The following KLF12 variants were observed in gnomAD, a reference collection of about 807,000 sequenced individuals.
The protein encoded by KLF12 is KLF transcription factor 12, also known as Krueppel-like factor 12.
A neutral mutation model predicts 37.8 loss-of-function variants in KLF12; 9 were observed. That is an observed-to-expected ratio of 0.24 (90% confidence interval 0.14 to 0.42). The LOEUF (loss-of-function observed/expected upper bound fraction) is 0.42. Among genes scored for constraint, KLF12 ranks in the 10% least tolerant of loss-of-function variants. KLF12 has a pLI of 1.00. For synonymous variants in KLF12, 208 were observed against 202.1 expected (o/e 1.03, Z -0.25); for missense variants, 411 against 516.0 (o/e 0.80, Z 1.97).
chr13:73,821,192 C>T (rs373742759), intron 4 of KLF12, among the ~76,000 whole-genome samples: 23 of 151,964 alleles, frequency 1.5e-4, no homozygotes, highest in East Asian at 1.2e-3. Flanking sequence ...AGTTGCTGCC[C>T]TAGGTTTCGC....
intron 3 of KLF12, among the ~76,000 whole-genome samples, chr13:73,924,138 A>G (rs1177187534): frequency 1.3e-5 from 2 of 152,256 alleles, no homozygotes; most frequent in Non-Finnish European, 1.5e-5. Context: ...ACTCAGGTAG[A>G]GCATGGCCAA....
the KLF12 span, among the ~76,000 whole-genome samples, chr13:74,248,526 A>G: frequency 1.3e-5 from 2 of 152,220 alleles, no homozygotes; most frequent in African/African-American, 4.8e-5. Flanking sequence ...ATTTCAGCCA[A>G]TGCTTAATCG....
intron 1 of KLF12, among the ~76,000 whole-genome samples, chr13:74,022,927 TCTGCATCCCTAACCAAATGGCAGG>T (rs71777502): frequency 0.31 from 46,468 of 151,470 alleles, 7,423 homozygotes; most frequent in Admixed American, 0.36. Flanking sequence ...GACCTAACTC[TCTGCATCCCTAACCAAATGGCAGG>T]CTGCATCCCT....
chr13:73,794,153 G>A (rs1252710800), intron 5 of KLF12, among the ~76,000 whole-genome samples: 1 of 152,190 alleles, frequency 6.6e-6, no homozygotes, highest in Non-Finnish European at 1.5e-5. Flanking sequence ...AACACATACT[G>A]GGATAGCCTT....
chr13:73,904,317 C>T (rs920524300), intron 3 of KLF12, among the ~76,000 whole-genome samples: 2 of 152,184 alleles, frequency 1.3e-5, no homozygotes, highest in African/African-American at 2.4e-5. Flanking sequence ...ATGTAACAAT[C>T]ATTGCCCAAA....
chr13:73,797,187 C>G (rs919344635), intron 5 of KLF12, among the ~76,000 whole-genome samples: 1 of 152,158 alleles, frequency 6.6e-6, no homozygotes, highest in Admixed American at 6.5e-5. Context: ...CCTCAGGGAT[C>G]GTCCTTCTGC....
In KLF12 at chr13:73,692,789, C is replaced by A. The variant is rs1476651698; in HGVS notation, c.*2701G>T. 6.6e-6 allele frequency: 1 copy of A among 152,576 alleles called. No homozygotes were observed. The highest frequency in any genetic ancestry group is 1.5e-5 in the Non-Finnish European group (1 of 68,034). The allele number at this position is 152,576 out of a possible 1,614,324, so 9.5% of individuals were successfully genotyped here. On this transcript the variant is annotated 3_prime_UTR_variant, in exon 8 of 8. Coordinates refer to ENST00000377669, the MANE Select transcript of KLF12 (RefSeq NM_007249.5). ...CAATTCACTTAATTGTGCTTAGATC[C>A]CTTCTTAGAAGTACTGATACGTCAA...
At chr13:74,185,290 C>A in the KLF12 span, among the ~76,000 whole-genome samples, 1 of 152,126 alleles carries the variant, frequency 6.6e-6, no homozygotes, top group African/African-American at 2.4e-5. Flanking sequence ...AATGGTCTTA[C>A]ACAGTCTTGG....
At chr13:74,028,633 T>C (rs1296697928) in intron 1 of KLF12, among the ~76,000 whole-genome samples, 2 of 152,084 alleles carry the variant, frequency 1.3e-5, no homozygotes, top group Non-Finnish European at 2.9e-5. Context: ...AGTAAGGTCA[T>C]ATCTAGAAGT....
At chr13:74,179,067 G>A in the KLF12 span, among the ~76,000 whole-genome samples, 3 of 152,176 alleles carry the variant, frequency 2.0e-5, no homozygotes, top group Admixed American at 6.5e-5. Context: ...AACATCGCTA[G>A]GCCTTTGGTC....
chr13:73,750,687 T>C (rs984683997), intron 6 of KLF12, among the ~76,000 whole-genome samples: 8 of 152,204 alleles, frequency 5.3e-5, no homozygotes, highest in Non-Finnish European at 1.5e-5. Context: ...GTTTGTTACA[T>C]AGGTAAATGT....
chr13:73,876,166 AAAG>A (rs1241741615), intron 3 of KLF12, among the ~76,000 whole-genome samples: 33 of 152,172 alleles, frequency 2.2e-4, no homozygotes, highest in Admixed American at 7.2e-4. Flanking sequence ...AAAAAAAAAA[AAAG>A]GTTTTAGCTT....
intron 3 of KLF12, among the ~76,000 whole-genome samples, chr13:73,911,200 C>CCCATAAATGTATA (rs1888552938): frequency 6.6e-6 from 1 of 151,134 alleles, no homozygotes; most frequent in South Asian, 2.1e-4. Context: ...CTCACTGGGC[C>CCCATAAATGTATA]CCATAAATGT....
chr13:74,232,599 A>T, the KLF12 span, among the ~76,000 whole-genome samples: 2 of 152,184 alleles, frequency 1.3e-5, no homozygotes, highest in South Asian at 4.1e-4. Flanking sequence ...AGAGTGTCTT[A>T]TCTAGGTTTG....
intron 3 of KLF12, among the ~76,000 whole-genome samples, chr13:73,883,859 G>T (rs1173680118): frequency 6.6e-6 from 1 of 152,158 alleles, no homozygotes; most frequent in Non-Finnish European, 1.5e-5. Context: ...CATTGTGTGA[G>T]ATAAACCATA....
the KLF12 span, among the ~76,000 whole-genome samples, chr13:74,286,058 T>A: frequency 1.3e-5 from 2 of 152,156 alleles, no homozygotes; most frequent in African/African-American, 4.8e-5. Flanking sequence ...TACTCTTAGC[T>A]CACTCTTTCT....
In KLF12 at chr13:73,941,776, T is replaced by C. The variant is rs540600695; in HGVS notation, c.123+2205A>G. Reference sequence around the variant, plus strand: ...CATTAAACACTACAGGCTGATTCTCTTGAAGCTTTGCTACAAAAGAGAATG... The same window carrying C: ...CATTAAACACTACAGGCTGATTCTCCTGAAGCTTTGCTACAAAAGAGAATG... On this transcript the variant is annotated intron_variant, in intron 3 of 7. Coordinates refer to ENST00000377669, the MANE Select transcript of KLF12 (RefSeq NM_007249.5). 3.3e-5 allele frequency among the ~76,000 whole-genome samples: 5 copies of C among 152,306 alleles called. No individual in the cohort carries two copies. In the South Asian group the frequency reaches 1.0e-3, roughly 32 times the overall value.
intron 6 of KLF12, among the ~76,000 whole-genome samples, chr13:73,731,512 G>A (rs1028877279): frequency 1.6e-5 from 2 of 123,418 alleles, no homozygotes; most frequent in Non-Finnish European, 3.2e-5. Flanking sequence ...TCTAAAGGCC[G>A]GGTCCATGGT....
At chr13:74,195,830 C>T in the KLF12 span, among the ~76,000 whole-genome samples, 1 of 152,090 alleles carries the variant, frequency 6.6e-6, no homozygotes, top group Non-Finnish European at 1.5e-5. Flanking sequence ...ATAATCAGCT[C>T]GCCTTGGCCT....
Sources: gnomAD v4.1 joint callset for allele counts (sites outside exome capture counted in the v4.1 genomes callset) on GRCh38, gnomAD v4.1.1 for gene constraint, MANE v1.5 for transcripts, NCBI Gene and HGNC (gene_info 2026-07-23, HGNC 2026-07-21) for gene names.